Variants in ATP1B3 observed in about 807,000 individuals in gnomAD.
ATP1B3 encodes the protein sodium/potassium-transporting ATPase subunit beta-3.
ATP1B3 carries 10 observed loss-of-function variants against 30.2 expected under a neutral mutation model. The ratio of observed to expected loss-of-function variants is 0.33; its 90% CI spans 0.20 to 0.56. The LOEUF is 0.56. Among genes scored for constraint, ATP1B3 ranks in the 20% least tolerant of loss-of-function variants. The probability of loss-of-function intolerance (pLI) is 0.90; values close to 1 mark genes in which losing one functional copy is unlikely to be tolerated. For missense variants in ATP1B3, 238 were observed against 336.7 expected, an observed-to-expected ratio of 0.71 and a Z score of 2.29; for synonymous variants, 113 against 117.0, an observed-to-expected ratio of 0.97 and a Z score of 0.22.
At chr3:141,878,473 G>C (rs1933649516) in intron 1 of ATP1B3, among the ~76,000 whole-genome samples, 1 of 152,134 alleles carries the variant, frequency 6.6e-6, no homozygotes, top group Non-Finnish European at 1.5e-5. Flanking sequence ...AATTTTGATA[G>C]GCTACCTTCC....
chr3:141,888,850 C>T (rs1415221722), intron 1 of ATP1B3, among the ~76,000 whole-genome samples: 3 of 152,176 alleles, frequency 2.0e-5, no homozygotes, highest in Non-Finnish European at 4.4e-5. Flanking sequence ...TTCTCATTCA[C>T]CTTCTGCCAT....
At chr3:141,897,521 A>T (rs948204339) in intron 1 of ATP1B3, among the ~76,000 whole-genome samples, 10 of 152,212 alleles carry the variant, frequency 6.6e-5, no homozygotes, top group African/African-American at 2.4e-4. Flanking sequence ...CTGGGAGAGC[A>T]GGCCAGACAT....
At chr3:141,900,679 C>A (rs1934146194) in intron 1 of ATP1B3, among the ~76,000 whole-genome samples, 1 of 152,082 alleles carries the variant, frequency 6.6e-6, no homozygotes, top group African/African-American at 2.4e-5. Context: ...ATTGTACGCC[C>A]AGTGTGGTTG....
At chr3:141,883,084 T>C (rs899437209) in intron 1 of ATP1B3, among the ~76,000 whole-genome samples, 72 of 152,314 alleles carry the variant, frequency 4.7e-4, no homozygotes, top group African/African-American at 1.7e-3. Flanking sequence ...TCCTACTCCT[T>C]CTGGGCTGTT....
chr3:141,916,691 T>C, intron 5 of ATP1B3: 5 of 825,036 alleles, frequency 6.1e-6, no homozygotes, highest in Non-Finnish European at 8.4e-6. Context: ...GAAATCACTT[T>C]TAAAGTTGTG....
intron 1 of ATP1B3, among the ~76,000 whole-genome samples, chr3:141,883,619 A>G (rs1382073307): frequency 6.6e-6 from 1 of 152,188 alleles, no homozygotes; most frequent in Non-Finnish European, 1.5e-5. Context: ...CTATAATCTT[A>G]TTCTTGTCTT....
intron 1 of ATP1B3, chr3:141,902,894 A>G (rs1049919851): frequency 5.3e-5 from 8 of 152,242 alleles, no homozygotes; most frequent in African/African-American, 1.9e-4. Flanking sequence ...CAATGAACTC[A>G]GTTTTTAAAA....
rs1934282133 is a variant in ATP1B3, at chr3:141,907,353, C to G, written c.346+79C>G. 59 of 919,140 alleles carry G rather than the reference C, an allele frequency of 6.4e-5. No individual in the cohort carries two copies. Among genetic ancestry groups the G allele is most frequent in the Non-Finnish European group, 8.2e-5 (51 of 619,186 alleles). The allele number at this position is 919,140 out of a possible 1,614,324, so 56.9% of individuals were successfully genotyped here. On this transcript the variant is annotated intron_variant, in intron 3 of 6. Coordinates refer to ENST00000286371, the MANE Select transcript of ATP1B3 (RefSeq NM_001679.4). ...CCAAATTGTGGGCCGGGCACGGTAGCTCACGCCTGTAATCCCAGCACTTTG... is the reference window on the plus strand; with the variant it reads ...CCAAATTGTGGGCCGGGCACGGTAGGTCACGCCTGTAATCCCAGCACTTTG...
chr3:141,908,203 T>A (rs1042003658), intron 3 of ATP1B3, among the ~76,000 whole-genome samples: 4 of 152,066 alleles, frequency 2.6e-5, no homozygotes. Flanking sequence ...TGTGTCTGAT[T>A]TTTAATACAT....
At chr3:141,919,563 A>G (rs1934529819) in intron 5 of ATP1B3, among the ~76,000 whole-genome samples, 1 of 152,226 alleles carries the variant, frequency 6.6e-6, no homozygotes, top group Admixed American at 6.5e-5. Flanking sequence ...AACAAAATGC[A>G]TTAATTTTTA....
At chr3:141,891,082 C>G (rs1399026850) in intron 1 of ATP1B3, among the ~76,000 whole-genome samples, 1 of 152,044 alleles carries the variant, frequency 6.6e-6, no homozygotes, top group Admixed American at 6.6e-5. Context: ...TCACTTATCC[C>G]TATATGTTGT....
At chr3:141,899,800 C>T (rs1294018907) in intron 1 of ATP1B3, among the ~76,000 whole-genome samples, 1 of 152,082 alleles carries the variant, frequency 6.6e-6, no homozygotes, top group Non-Finnish European at 1.5e-5. Flanking sequence ...ACCCAGGAGG[C>T]AGAGGTTGTG....
chr3:141,886,082 G>C (rs1933827613), intron 1 of ATP1B3, among the ~76,000 whole-genome samples: 2 of 152,112 alleles, frequency 1.3e-5, no homozygotes, highest in African/African-American at 4.8e-5. Context: ...ATTACCTTCT[G>C]TACCCCAAAA....
At chr3:141,921,129 C>T (rs560911814) in intron 5 of ATP1B3, among the ~76,000 whole-genome samples, 3 of 151,894 alleles carry the variant, frequency 2.0e-5, no homozygotes, top group South Asian at 2.1e-4. Flanking sequence ...ACTAGTGTTC[C>T]GTAAGCCCAG....
intron 4 of ATP1B3, among the ~76,000 whole-genome samples, chr3:141,915,216 T>C (rs1489803550): frequency 1.3e-5 from 2 of 152,208 alleles, no homozygotes; most frequent in African/African-American, 4.8e-5. Flanking sequence ...AGGGCATGGC[T>C]TTGTCAGGAG....
intron 1 of ATP1B3, 102 bp from the exon 2 acceptor site, chr3:141,903,518 C>T (rs1398185999): frequency 4.6e-6 from 7 of 1,519,426 alleles, no homozygotes; most frequent in Non-Finnish European, 5.4e-6. Flanking sequence ...AGCTTGGGAT[C>T]GTACCCTTGC....
intron 1 of ATP1B3, among the ~76,000 whole-genome samples, chr3:141,880,322 A>G (rs1257106816): frequency 6.6e-6 from 1 of 152,214 alleles, no homozygotes; most frequent in Non-Finnish European, 1.5e-5. Flanking sequence ...ATATACACAT[A>G]AGTTACTTCA....
intron 5 of ATP1B3, among the ~76,000 whole-genome samples, chr3:141,921,197 C>A (rs529703117): frequency 6.6e-6 from 1 of 152,090 alleles, no homozygotes; most frequent in African/African-American, 2.4e-5. Flanking sequence ...TAAAGTTACA[C>A]TCATTAGAAT....
intron 1 of ATP1B3, among the ~76,000 whole-genome samples, chr3:141,893,175 A>AT (rs1268781919): frequency 3.3e-5 from 5 of 151,804 alleles, no homozygotes; most frequent in East Asian, 1.9e-4. Flanking sequence ...CACCTGACTA[A>AT]TTTTTTTATT....
Sources: allele counts gnomAD v4.1 joint callset (sites outside exome capture counted in the v4.1 genomes callset), GRCh38; gene constraint gnomAD v4.1.1; transcripts MANE v1.5; gene names NCBI Gene and HGNC (gene_info 2026-07-23, HGNC 2026-07-21).